CAMSAP1: variants seen among roughly 807,000 people sequenced by gnomAD.
CAMSAP1 encodes the protein calmodulin regulated spectrin associated protein 1.
A neutral mutation model predicts 143.5 loss-of-function variants in CAMSAP1; 58 were observed. That is an observed-to-expected ratio of 0.40 (90% CI 0.33 to 0.50). The LOEUF is 0.50. CAMSAP1 is among the 20% of genes least tolerant of loss of function. The pLI is 0.45. For missense variants in CAMSAP1, 1,969 were observed against 2,115.7 expected (o/e 0.93, Z 1.36); for synonymous variants, 945 against 859.3 (o/e 1.10, Z -1.74).
rs1234311603 is a variant in CAMSAP1, at chr9:135,809,142, G to A, written c.*2167C>T. ...CAGAAAGGCCCAAAAGCACCACCAC[G>A]AAAATTAATCCTGTGTCTGAAACTT... On this transcript the variant is annotated 3_prime_UTR_variant, in exon 17 of 17. Coordinates refer to ENST00000389532, the MANE Select transcript of CAMSAP1 (RefSeq NM_015447.4). 6.6e-6 allele frequency: 1 copy of A among 152,196 alleles called. No homozygotes were observed. The highest frequency in any genetic ancestry group is 2.4e-5 in the African/African-American group (1 of 41,438). The allele number at this position is 152,196 out of a possible 1,614,324, so 9.4% of individuals were successfully genotyped here. A position where few individuals can be genotyped will look rare whatever the true frequency, so the allele number is the denominator to read the frequency against.
chr9:135,895,056 A>G (rs1838401111), intron 1 of CAMSAP1, among the ~76,000 whole-genome samples: 1 of 152,222 alleles, frequency 6.6e-6, no homozygotes, highest in African/African-American at 2.4e-5. Flanking sequence ...ACCCAATCTG[A>G]ACAACAGGCA....
intron 1 of CAMSAP1, among the ~76,000 whole-genome samples, chr9:135,894,426 C>T (rs1838386170): frequency 6.6e-6 from 1 of 152,208 alleles, no homozygotes; most frequent in Non-Finnish European, 1.5e-5. Context: ...TGTTCCACCC[C>T]TCAGAGGCAG....
At position 135,820,714 on chromosome 9, in the gene CAMSAP1, C is replaced by T; in HGVS notation, c.3822+125G>A. The T allele has an allele frequency of 7.8e-7, 1 of 1,277,982 alleles. No homozygotes were observed. The highest frequency in any genetic ancestry group is 1.9e-4 in the Middle Eastern group (1 of 5,192). The allele number at this position is 1,277,982 out of a possible 1,614,324, so 79.2% of individuals were successfully genotyped here. ...TCTGTGGCCCACAAAGCTAAACACA[C>T]ACATCCCCTGGCCTCTTACAGGAGC... On this transcript the variant is annotated intron_variant, in intron 11 of 16. Coordinates refer to ENST00000389532, the MANE Select transcript of CAMSAP1 (RefSeq NM_015447.4). The surrounding 1 kb of genome is among the most constrained non-coding windows in gnomAD (Gnocchi z 4.4).
At chr9:135,897,755 A>G (rs1838499265) in intron 1 of CAMSAP1, among the ~76,000 whole-genome samples, 1 of 152,202 alleles carries the variant, frequency 6.6e-6, no homozygotes, top group Non-Finnish European at 1.5e-5. Context: ...GTACCAGGCA[A>G]GATGGCGTAA....
rs532482025 is a variant in CAMSAP1 at position 135,907,085 on chromosome 9, G to A, written c.75C>T (p.Asp25=). 2.3e-3 allele frequency: 2,701 copies of A among 1,160,024 alleles called. 56 individuals carry two copies. The African/African-American group carries it at 0.041, about 18-fold the overall frequency. 71.9% of individuals were successfully genotyped at this position (1,160,024 alleles called of 1,614,324 possible). A position where few individuals can be genotyped will look rare whatever the true frequency, so the allele number is the denominator to read the frequency against. ...KMEAPPDGAA[D]LVPLDRYDAA... Reference sequence around the variant, plus strand: ...CGTCGTAGCGGTCCAGGGGCACGAGGTCGGCGGCGCCGTCCGGCGGGGCCT... The same window carrying A: ...CGTCGTAGCGGTCCAGGGGCACGAGATCGGCGGCGCCGTCCGGCGGGGCCT... The change falls in exon 1 of 17, where the codon GAC becomes GAT. Residue 25 remains aspartate, a synonymous_variant. Coordinates refer to ENST00000389532, the MANE Select transcript of CAMSAP1 (RefSeq NM_015447.4).
chr9:135,886,254 T>A (rs1158956654), intron 1 of CAMSAP1, among the ~76,000 whole-genome samples: 1 of 152,212 alleles, frequency 6.6e-6, no homozygotes, highest in Non-Finnish European at 1.5e-5. Context: ...GTTCTCAGGC[T>A]GAGCCTCGTA....
chr9:135,889,498 C>G (rs1443058601), intron 1 of CAMSAP1, among the ~76,000 whole-genome samples: 1 of 152,220 alleles, frequency 6.6e-6, no homozygotes, highest in African/African-American at 2.4e-5. Flanking sequence ...CCGAACGAAA[C>G]AAAAACTCTC....
At position 135,827,374 on chromosome 9, in the gene CAMSAP1, G is replaced by T. The variant is rs369349142; in HGVS notation, c.1223+33C>A. 1.2e-5 allele frequency: 17 copies of T among 1,459,400 alleles called. No individual in the cohort carries two copies. In the African/African-American group the frequency reaches 2.3e-4, roughly 19 times the overall value. 90.4% of individuals were successfully genotyped at this position (1,459,400 alleles called of 1,614,324 possible). A position where few individuals can be genotyped will look rare whatever the true frequency, so the allele number is the denominator to read the frequency against. On this transcript the variant is annotated intron_variant, in intron 8 of 16. Transcript: ENST00000389532. ...AACACAAAAAGGGACACAAGATGGT[G>T]AACTGATTCTGAAAGCAGAAAGACA...
At chr9:135,846,682 C>CAAAAAAAAAAAAAAAAAAAAAAAAAA (rs752714756) in intron 7 of CAMSAP1, among the ~76,000 whole-genome samples, 1 of 53,692 alleles carries the variant, frequency 1.9e-5, no homozygotes, top group Non-Finnish European at 4.3e-5. Flanking sequence ...ACAAATTTAC[C>CAAAAAAAAAAAAAAAAAAAAAAAAAA]AAAAAAAAAA....
Position 135,821,422 on chromosome 9 carries a change from G to T in CAMSAP1, c.3239C>A (p.Ser1080Tyr). The T allele has an allele frequency of 6.2e-7, 1 of 1,614,046 alleles. No individual in the cohort carries two copies. The highest frequency in any genetic ancestry group is 8.5e-7 in the Non-Finnish European group (1 of 1,179,894). The stretch of plus-strand genomic sequence containing the variant: ...GCGGTGGCCAGCCACGCCCGTGGGA[G>T]AGAGTGGCTCCACGAAGTGGACTGG... ...KAPVHFVEPLSPTGVAGHRKA... is the reference protein window; with the variant it reads ...KAPVHFVEPLYPTGVAGHRKA... The change falls in exon 11 of 17, where the codon TCT becomes TAT. Residue 1080 changes from serine (S) to tyrosine (Y), a missense_variant. Ser to Tyr is a moderately radical substitution (Grantham distance 144). Coordinates refer to ENST00000389532, the MANE Select transcript of CAMSAP1 (RefSeq NM_015447.4). The surrounding 1 kb of genome is among the most constrained non-coding windows in gnomAD (Gnocchi z 4.6).
At position 135,849,996 on chromosome 9, in the gene CAMSAP1, C is replaced by A; in HGVS notation, c.1045+141G>T. 3 of 617,932 alleles carry A rather than the reference C, an allele frequency of 4.9e-6. 1 individual carries two copies. The highest frequency in any genetic ancestry group is 8.0e-6 in the Non-Finnish European group (3 of 374,370). 38.3% of individuals were successfully genotyped at this position (617,932 alleles called of 1,614,324 possible). ...TAGAAAGCCTTTCCCCAAACTCTCA[C>A]GCCCGTCCCTGGGATTCTGACTCCA... is the stretch of plus-strand genomic sequence containing the variant. On this transcript the variant is annotated intron_variant, in intron 7 of 16. Coordinates refer to ENST00000389532, the MANE Select transcript of CAMSAP1 (RefSeq NM_015447.4).
chr9:135,899,584 C>G (rs1838557592), intron 1 of CAMSAP1, among the ~76,000 whole-genome samples: 1 of 152,112 alleles, frequency 6.6e-6, no homozygotes, highest in Non-Finnish European at 1.5e-5. Flanking sequence ...GAGCAAATCC[C>G]CAATCTACGA....
intron 3 of CAMSAP1, among the ~76,000 whole-genome samples, chr9:135,879,447 G>C (rs956518511): frequency 1.3e-5 from 2 of 152,104 alleles, no homozygotes; most frequent in African/African-American, 4.8e-5. Flanking sequence ...TGATTCACCA[G>C]AGAAGGAGAG....
At chr9:135,848,546 T>C (rs1480846647) in intron 7 of CAMSAP1, among the ~76,000 whole-genome samples, 2 of 151,910 alleles carry the variant, frequency 1.3e-5, no homozygotes, top group Non-Finnish European at 2.9e-5. Context: ...CACACACGCA[T>C]GCACACACAT....
intron 5 of CAMSAP1, among the ~76,000 whole-genome samples, chr9:135,860,814 C>T (rs1837161715): frequency 1.3e-5 from 2 of 152,140 alleles, no homozygotes; most frequent in African/African-American, 4.8e-5. Flanking sequence ...TCTGATTTTT[C>T]AAAGAGTTTG....
In CAMSAP1 at chr9:135,823,975, T is replaced by G; in HGVS notation, c.1375A>C (p.Ile459Leu). 6.3e-7 allele frequency: 1 copy of G among 1,587,730 alleles called. No homozygotes were observed. Among genetic ancestry groups the G allele is most frequent in the Non-Finnish European group, 8.6e-7 (1 of 1,166,462 alleles). Reference sequence around the variant, plus strand: ...CTGGTTTTTTTTTCTGGCCAGGCTATTGCTGCTCCTCGAGGCTGACCATCA... The same window carrying G: ...CTGGTTTTTTTTTCTGGCCAGGCTAGTGCTGCTCCTCGAGGCTGACCATCA... ...RVDGQPRGAA[I>L]AWPEKKTRPA... The change falls in exon 10 of 17, where the codon ATA becomes CTA. Residue 459 changes from isoleucine (I) to leucine (L), a missense_variant. By Grantham distance (5) the Ile-to-Leu change is conservative. Around this residue, in one of 4 missense-constraint regions of CAMSAP1, gnomAD observed 1,390 missense variants for 1,420.8 expected, o/e 0.98. Transcript: ENST00000389532.
At chr9:135,901,830 TCTGGCCCCAGAC>T (rs534613190) in intron 1 of CAMSAP1, among the ~76,000 whole-genome samples, 88 of 152,174 alleles carry the variant, frequency 5.8e-4, no homozygotes, top group Middle Eastern at 3.4e-3. Flanking sequence ...CCATAAACAA[TCTGGCCCCAGAC>T]TATTTTCCAA....
At chr9:135,855,845 G>C (rs1246348564) in intron 5 of CAMSAP1, among the ~76,000 whole-genome samples, 1 of 151,896 alleles carries the variant, frequency 6.6e-6, no homozygotes, top group Non-Finnish European at 1.5e-5. Context: ...AAGGTCAGGA[G>C]ATCAAGACCA....
chr9:135,844,708 T>C (rs1836489638), intron 7 of CAMSAP1, among the ~76,000 whole-genome samples: 1 of 152,144 alleles, frequency 6.6e-6, no homozygotes, highest in Admixed American at 6.5e-5. Context: ...CCCGCAGAAA[T>C]ACAAACTACC....
Sources: gnomAD v4.1 joint callset for allele counts (sites outside exome capture counted in the v4.1 genomes callset) on GRCh38, gnomAD v4.1.1 for gene constraint, gnomAD v4.1.1 regional missense constraint, Gnocchi (gnomAD v3.1) non-coding constraint, MANE v1.5 for transcripts, NCBI Gene and HGNC (gene_info 2026-07-23, HGNC 2026-07-21) for gene names.